The following SYNPO2 variants were observed in gnomAD, a reference collection of about 807,000 sequenced individuals.
The protein encoded by SYNPO2 is synaptopodin-2.
A neutral mutation model predicts 85.0 loss-of-function variants in SYNPO2; 56 were observed. The observed-to-expected ratio is 0.66, with a 90% CI of 0.53 to 0.82. The LOEUF is 0.82. Among genes scored for constraint, SYNPO2 ranks in the 40% least tolerant of loss-of-function variants. SYNPO2 has a pLI of 0.00. For missense variants in SYNPO2, 1,575 were observed against 1,534.2 expected, an observed-to-expected ratio of 1.03 and a Z score of -0.44; for synonymous variants, 602 against 591.1, an observed-to-expected ratio of 1.02 and a Z score of -0.27.
chr4:118,885,832 AATACAT>A (rs1732189517), upstream of SYNPO2, among the ~76,000 whole-genome samples: 1 of 152,212 alleles, frequency 6.6e-6, no homozygotes, highest in African/African-American at 2.4e-5. Context: ...AGCATCAGGG[AATACAT>A]AAGACCTGGA....
chr4:118,957,719 A>G (rs999683417), intron 1 of SYNPO2, among the ~76,000 whole-genome samples: 1 of 152,186 alleles, frequency 6.6e-6, no homozygotes, highest in African/African-American at 2.4e-5. Context: ...TGCATCTTCA[A>G]ACTTCTGCAA....
intron 1 of SYNPO2, among the ~76,000 whole-genome samples, chr4:118,867,726 T>C (rs1003048548): frequency 2.9e-5 from 4 of 138,588 alleles, no homozygotes; most frequent in African/African-American, 9.8e-5. Flanking sequence ...AGGAGTTCCT[T>C]GGTCAAAACA....
At chr4:119,007,267 T>TACATATATATATATGTATATAC (rs55685441) in intron 1 of SYNPO2, among the ~76,000 whole-genome samples, 1 of 74,030 alleles carries the variant, frequency 1.4e-5, no homozygotes, top group African/African-American at 5.4e-5. Context: ...TATATATATA[T>TACATATATATATATGTATATAC]ATATATATGT....
chr4:118,865,950 G>A (rs140249822), intron 1 of SYNPO2, among the ~76,000 whole-genome samples: 1 of 152,282 alleles, frequency 6.6e-6, no homozygotes, highest in East Asian at 1.9e-4. Context: ...TGGCTGGTGT[G>A]GGATTGGAAC....
Position 118,870,039 on chromosome 4 carries a change from G to A in SYNPO2, c.12+19099G>A, listed in dbSNP as rs565981633. 3.1e-4 allele frequency among the ~76,000 whole-genome samples: 47 copies of A among 152,300 alleles called. 1 individual carries two copies. In the South Asian group the frequency reaches 3.5e-3, roughly 11 times the overall value. ...GAGCATTGACTTTCCTGATCTATTG[G>A]CAGACTCAGGCCTAATTCCAAAGCC... is the stretch of plus-strand genomic sequence containing the variant. On this transcript the variant is annotated intron_variant, in intron 1 of 4. Coordinates refer to the SYNPO2 transcript ENST00000610556.
At chr4:118,897,274 A>C (rs1012205746) in intron 1 of SYNPO2, among the ~76,000 whole-genome samples, 1 of 152,056 alleles carries the variant, frequency 6.6e-6, no homozygotes, top group African/African-American at 2.4e-5. Context: ...AGCATGGGGG[A>C]AACCACCCCC....
At chr4:118,870,801 G>T (rs568536492) in intron 1 of SYNPO2, among the ~76,000 whole-genome samples, 1 of 152,192 alleles carries the variant, frequency 6.6e-6, no homozygotes, top group Non-Finnish European at 1.5e-5. Flanking sequence ...TTAATACCTA[G>T]GTGGTGGGTT....
In SYNPO2 at chr4:119,057,782, C is replaced by G. The variant is rs1029139043; in HGVS notation, c.3634C>G (p.Gln1212Glu). 1.9e-6 allele frequency: 3 copies of G among 1,614,070 alleles called. No individual in the cohort carries two copies. In the Admixed American group the frequency reaches 5.0e-5, roughly 27 times the overall value. Residue 1212 changes from glutamine to glutamate, a missense_variant, in exon 5 of 5, where the codon CAA (glutamine) becomes GAA (glutamate). Gln to Glu is a conservative substitution (Grantham distance 29). Coordinates refer to ENST00000307142, the MANE Select transcript of SYNPO2 (RefSeq NM_133477.3). ...TANNNMSTTS[Q>E]YGSQLPYAYY... is the part of the protein sequence containing the mutation. ...CAATAATAATATGTCCACCACCTCC[C>G]AATATGGTTCACAGTTGCCATATGC...
intron 4 of SYNPO2, among the ~76,000 whole-genome samples, chr4:119,045,974 C>T (rs1214330653): frequency 6.6e-6 from 1 of 152,012 alleles, no homozygotes; most frequent in Non-Finnish European, 1.5e-5. Context: ...ATTTTATTAC[C>T]TATAGCTTTA....
intron 4 of SYNPO2, chr4:119,037,507 G>A: frequency 7.9e-6 from 8 of 1,007,706 alleles, no homozygotes; most frequent in Non-Finnish European, 9.5e-6. Context: ...GAGAATCTTT[G>A]ATACTTTTAT....
At chr4:118,869,819 A>C (rs1731770707) in intron 1 of SYNPO2, among the ~76,000 whole-genome samples, 1 of 152,194 alleles carries the variant, frequency 6.6e-6, no homozygotes, top group Non-Finnish European at 1.5e-5. Context: ...CTGAAATGAA[A>C]TCTCAGCCAC....
chr4:118,997,046 C>T (rs1274391105), intron 1 of SYNPO2, among the ~76,000 whole-genome samples: 2 of 151,182 alleles, frequency 1.3e-5, no homozygotes, highest in Non-Finnish European at 2.9e-5. Context: ...CGAGACCATC[C>T]CGGCTAAAAC....
intron 1 of SYNPO2, among the ~76,000 whole-genome samples, chr4:118,904,612 G>A (rs1732872448): frequency 6.6e-6 from 1 of 152,184 alleles, no homozygotes; most frequent in South Asian, 2.1e-4. Flanking sequence ...AAAGGCTAAT[G>A]AGGATTTTGT....
intron 1 of SYNPO2, among the ~76,000 whole-genome samples, chr4:119,020,286 CA>C (rs1560986818): frequency 6.6e-6 from 1 of 152,128 alleles, no homozygotes; most frequent in African/African-American, 2.4e-5. Flanking sequence ...CAGTGAAACG[CA>C]ATCACAGCAG....
intron 1 of SYNPO2, among the ~76,000 whole-genome samples, chr4:118,882,896 G>A (rs986084105): frequency 3.3e-5 from 5 of 151,544 alleles, no homozygotes; most frequent in Non-Finnish European, 5.9e-5. Flanking sequence ...CAACCTCCTG[G>A]GTAGCTGGGA....
At chr4:118,890,733 C>CTCTCTCTCTCTCTCTGTGTGTG (rs749295331) in intron 1 of SYNPO2, among the ~76,000 whole-genome samples, 11 of 126,222 alleles carry the variant, frequency 8.7e-5, no homozygotes, top group African/African-American at 3.3e-4. Context: ...CTCTCTCTCT[C>CTCTCTCTCTCTCTCTGTGTGTG]TGTGTGTGTG....
At chr4:118,851,021 A>G (rs1731411925) in intron 1 of SYNPO2, 2 of 398,556 alleles carry the variant, frequency 5.0e-6, no homozygotes, top group East Asian at 7.1e-5. Context: ...GCCTGCGAAT[A>G]TCAGGTGCTT....
chr4:118,888,810 A>G (rs1732260040), upstream of SYNPO2: 1 of 568,312 alleles, frequency 1.8e-6, no homozygotes. Flanking sequence ...TGTGTCCTGG[A>G]TGCTGCGAGC....
At chr4:118,869,584 A>G (rs775973472) in intron 1 of SYNPO2, among the ~76,000 whole-genome samples, 14 of 152,108 alleles carry the variant, frequency 9.2e-5, no homozygotes, top group Non-Finnish European at 1.5e-4. Flanking sequence ...GGGCCTATAG[A>G]ATTGGTTGAC....
Sources: allele counts gnomAD v4.1 joint callset (sites outside exome capture counted in the v4.1 genomes callset), GRCh38; gene constraint gnomAD v4.1.1; transcripts MANE v1.5; gene names NCBI Gene and HGNC (gene_info 2026-07-23, HGNC 2026-07-21).